RSPH14: variants seen among roughly 807,000 people sequenced by gnomAD.
RSPH14 encodes the protein rhabdoid tumor deletion region gene 1.
RSPH14 carries 20 observed loss-of-function variants against 26.7 expected under a neutral mutation model. That is an observed-to-expected ratio of 0.75 (90% CI 0.53 to 1.09). The LOEUF (loss-of-function observed/expected upper bound fraction) is 1.09, where lower values mean the gene tolerates loss of function less well. Among genes scored for constraint, RSPH14 ranks in the 50% least tolerant of loss-of-function variants. The pLI is 0.00. For synonymous variants in RSPH14, 177 were observed against 189.3 expected (o/e 0.93, Z 0.53); for missense variants, 449 against 457.2 (o/e 0.98, Z 0.16).
intron 6 of RSPH14, among the ~76,000 whole-genome samples, chr22:23,060,616 C>G (rs919203155): frequency 6.6e-6 from 1 of 152,214 alleles, no homozygotes; most frequent in African/African-American, 2.4e-5. Context: ...CGGCCCTATG[C>G]TCCTGCAGTG....
the RSPH14 span, among the ~76,000 whole-genome samples, chr22:23,171,320 T>C: frequency 6.6e-6 from 1 of 152,082 alleles, no homozygotes; most frequent in Non-Finnish European, 1.5e-5. Context: ...ATGGTCATCA[T>C]GTTGATGACC....
upstream of RSPH14, chr22:23,145,448 G>C: frequency 1.2e-6 from 2 of 1,610,624 alleles, no homozygotes; most frequent in Non-Finnish European, 1.7e-6. Flanking sequence ...TCGACGATTC[G>C]TGTAGCCCGC....
the RSPH14 span, among the ~76,000 whole-genome samples, chr22:23,156,700 C>G: frequency 1.3e-5 from 2 of 152,232 alleles, no homozygotes; most frequent in African/African-American, 4.8e-5. Context: ...ACAACATTTT[C>G]TTTTAGACTT....
chr22:23,137,211 G>C (rs1177812557), intron 3 of RSPH14, among the ~76,000 whole-genome samples: 1 of 138,432 alleles, frequency 7.2e-6, no homozygotes, highest in Non-Finnish European at 1.6e-5. Flanking sequence ...TTGTGCCTCA[G>C]CCTCCTGAGT....
the RSPH14 span, chr22:23,157,908 C>CT: frequency 1.3e-6 from 2 of 1,597,430 alleles, no homozygotes; most frequent in South Asian, 2.3e-5. Context: ...CTGGCAGTTC[C>CT]TTGGGAGCTG....
At chr22:23,129,564 G>A (rs1360494362) in intron 4 of RSPH14, among the ~76,000 whole-genome samples, 1 of 150,000 alleles carries the variant, frequency 6.7e-6, no homozygotes, top group Non-Finnish European at 1.5e-5. Flanking sequence ...ATCTTACACG[G>A]CACTCAAAAA....
chr22:23,172,415 CAAAAAAA>C, the RSPH14 span, among the ~76,000 whole-genome samples: 1 of 59,374 alleles, frequency 1.7e-5, no homozygotes, highest in Non-Finnish European at 3.4e-5. Flanking sequence ...GATTCTGTCT[CAAAAAAA>C]AAAAAAAAAA....
Position 23,095,561 on chromosome 22 carries a change from G to A in RSPH14, c.422-31428C>T, listed in dbSNP as rs548005504. 46 of 951,438 alleles carry A rather than the reference G, an allele frequency of 4.8e-5. No homozygotes were observed. In the East Asian group the frequency reaches 6.6e-4, roughly 14 times the overall value. The allele number at this position is 951,438 out of a possible 1,614,324, so 58.9% of individuals were successfully genotyped here. A position where few individuals can be genotyped will look rare whatever the true frequency, so the allele number is the denominator to read the frequency against. On this transcript the variant is annotated intron_variant, in intron 4 of 6. Coordinates refer to ENST00000216036, the MANE Select transcript of RSPH14 (RefSeq NM_014433.3). The stretch of plus-strand genomic sequence containing the variant: ...TGGGGCAGGGGCTGCAGTGTGGCTC[G>A]GCCTCACCCCCCTGCTGGCACTGAG...
chr22:23,171,842 CAAAAAAAAAAAACA>C, the RSPH14 span, among the ~76,000 whole-genome samples: 1 of 30,792 alleles, frequency 3.2e-5, no homozygotes, highest in Non-Finnish European at 5.7e-5. Flanking sequence ...AACTCTGTCT[CAAAAAAAAAAAACA>C]AAAAAAAAAA....
chr22:23,093,037 G>A lies in RSPH14; in HGVS notation c.422-28904C>T, dbSNP rs375828210. Among the ~76,000 whole-genome samples, 65 of 152,204 alleles carry A rather than the reference G, an allele frequency of 4.3e-4. 1 individual carries two copies. Among genetic ancestry groups the A allele is most frequent in the Admixed American group, 4.6e-4 (7 of 15,284 alleles). On this transcript the variant is annotated intron_variant, in intron 4 of 6. Coordinates refer to ENST00000216036, the MANE Select transcript of RSPH14 (RefSeq NM_014433.3). ...TCCACACCTAAGGGGCTGTCAGGTCGTCAGCAGGGACAAGGGAGCAGCCAC... is the reference window on the plus strand; with the variant it reads ...TCCACACCTAAGGGGCTGTCAGGTCATCAGCAGGGACAAGGGAGCAGCCAC...
chr22:23,152,396 G>T, the RSPH14 span: 2 of 1,531,970 alleles, frequency 1.3e-6, no homozygotes, highest in African/African-American at 2.7e-5. Context: ...GAAGGAAGGG[G>T]CTGTGAGTGT....
chr22:23,074,537 A>C (rs1198388271), intron 4 of RSPH14, among the ~76,000 whole-genome samples: 2 of 152,082 alleles, frequency 1.3e-5, no homozygotes, highest in Non-Finnish European at 2.9e-5. Context: ...GAGGGAGAGC[A>C]AGGCTGGAGG....
intron 5 of RSPH14, among the ~76,000 whole-genome samples, chr22:23,062,464 G>A (rs566692646): frequency 2.0e-4 from 30 of 152,282 alleles, no homozygotes; most frequent in Non-Finnish European, 3.7e-4. Context: ...CTGAGAGAGG[G>A]TCAATTCTGT....
the RSPH14 span, among the ~76,000 whole-genome samples, chr22:23,151,890 G>T: frequency 1.8e-4 from 28 of 152,274 alleles, no homozygotes; most frequent in African/African-American, 6.5e-4. Context: ...CCCTGTTCGG[G>T]GTGTGCCCCT....
At chr22:23,109,727 G>A (rs542031557) in intron 4 of RSPH14, among the ~76,000 whole-genome samples, 9 of 152,350 alleles carry the variant, frequency 5.9e-5, no homozygotes, top group African/African-American at 2.2e-4. Context: ...GCAGGGTTCA[G>A]TGTTAAAGGC....
intron 4 of RSPH14, among the ~76,000 whole-genome samples, chr22:23,080,679 C>T (rs906057098): frequency 2.0e-5 from 3 of 152,196 alleles, no homozygotes; most frequent in African/African-American, 7.2e-5. Context: ...CTGCAAAGAG[C>T]CCACAAACAC....
intron 4 of RSPH14, chr22:23,124,451 G>A (rs1194592764): frequency 4.3e-6 from 2 of 467,300 alleles, no homozygotes; most frequent in South Asian, 1.6e-5. Context: ...CGGGACACGT[G>A]TTGTACATAA....
At chr22:23,060,051 T>C (rs2068059459) in intron 6 of RSPH14, among the ~76,000 whole-genome samples, 1 of 152,108 alleles carries the variant, frequency 6.6e-6, no homozygotes, top group South Asian at 2.1e-4. Flanking sequence ...TAGTGACAGG[T>C]GCCTACAGTC....
At chr22:23,155,883 C>G in the RSPH14 span, 1 of 1,301,678 alleles carries the variant, frequency 7.7e-7, no homozygotes, top group Non-Finnish European at 1.0e-6. Flanking sequence ...GGGTCTCCCA[C>G]CCATGGTCCC....
Sources: gnomAD v4.1 joint callset for allele counts (sites outside exome capture counted in the v4.1 genomes callset) on GRCh38, gnomAD v4.1.1 for gene constraint, MANE v1.5 for transcripts, NCBI Gene and HGNC (gene_info 2026-07-23, HGNC 2026-07-21) for gene names.